Variants in NLK observed in about 807,000 individuals in gnomAD.
The protein encoded by NLK is serine/threonine-protein kinase NLK.
A neutral mutation model predicts 59.0 loss-of-function variants in NLK; 11 were observed. The observed-to-expected ratio is 0.19, with a 90% CI of 0.12 to 0.31. The LOEUF (loss-of-function observed/expected upper bound fraction) is 0.31. Ranked by LOEUF, NLK falls within the 10% of genes least tolerant of loss-of-function variation. The probability of loss-of-function intolerance (pLI) is 1.00; values close to 1 mark genes in which losing one functional copy is unlikely to be tolerated. For missense variants in NLK, 410 were observed against 661.1 expected, an observed-to-expected ratio of 0.62 and a Z score of 4.16; for synonymous variants, 235 against 235.9, an observed-to-expected ratio of 1.00 and a Z score of 0.03.
the NLK span, among the ~76,000 whole-genome samples, chr17:28,204,865 T>C: frequency 6.6e-6 from 1 of 152,232 alleles, no homozygotes; most frequent in African/African-American, 2.4e-5. Context: ...TTCATATGAC[T>C]TCCTGGTATT....
At chr17:28,166,052 T>TA (rs1162761667) in intron 5 of NLK, among the ~76,000 whole-genome samples, 1 of 152,080 alleles carries the variant, frequency 6.6e-6, no homozygotes, top group Non-Finnish European at 1.5e-5. Context: ...CTGTCTCTAC[T>TA]AAAAATACAA....
At chr17:28,192,274 C>T in intron 10 of NLK, 61 bp downstream of exon 10, 1 of 839,878 alleles carries the variant, frequency 1.2e-6, no homozygotes, top group Non-Finnish European at 2.0e-6. Context: ...AGTGTTACTT[C>T]ATTATTCAGC....
intron 3 of NLK, among the ~76,000 whole-genome samples, chr17:28,144,459 A>AAT (rs1907155263): frequency 2.6e-5 from 4 of 152,128 alleles, no homozygotes; most frequent in African/African-American, 9.7e-5. Flanking sequence ...TTAAAAAATA[A>AAT]ATATATCTCT....
intron 1 of NLK, among the ~76,000 whole-genome samples, chr17:28,100,710 T>G (rs962481503): frequency 2.6e-5 from 4 of 152,218 alleles, no homozygotes; most frequent in Non-Finnish European, 5.9e-5. Context: ...TTTTATCTTA[T>G]GAAGTTCATT....
intron 1 of NLK, among the ~76,000 whole-genome samples, chr17:28,065,488 T>G (rs1028598601): frequency 6.6e-6 from 1 of 152,148 alleles, no homozygotes. Context: ...GAAGGACCCT[T>G]TTTGCTTTAT....
At chr17:28,070,291 A>AT (rs1442321502) in intron 1 of NLK, among the ~76,000 whole-genome samples, 19 of 146,928 alleles carry the variant, frequency 1.3e-4, no homozygotes, top group African/African-American at 4.0e-4. Context: ...ATTCTCTTTT[A>AT]TTTTTTCTGG....
At chr17:28,151,453 GT>G (rs941744875) in intron 3 of NLK, among the ~76,000 whole-genome samples, 2 of 152,084 alleles carry the variant, frequency 1.3e-5, no homozygotes, top group Non-Finnish European at 2.9e-5. Flanking sequence ...AGTGAAAAAT[GT>G]TTTTCCCCTA....
In NLK at chr17:28,071,396, T is replaced by C. The variant is rs548618228; in HGVS notation, c.458+28065T>C. Among the ~76,000 whole-genome samples, 10 of 152,226 alleles carry C rather than the reference T, an allele frequency of 6.6e-5. No individual in the cohort carries two copies. The South Asian group carries it at 2.1e-3, about 32-fold the overall frequency. Reference sequence around the variant, plus strand: ...AAATAGAAGAGAATTTTTAAGAAAGTTGAGTGTTCCATTCCATGAACATGG... The same window carrying C: ...AAATAGAAGAGAATTTTTAAGAAAGCTGAGTGTTCCATTCCATGAACATGG... On this transcript the variant is annotated intron_variant, in intron 1 of 10. Coordinates refer to ENST00000407008, the MANE Select transcript of NLK (RefSeq NM_016231.5).
intron 1 of NLK, among the ~76,000 whole-genome samples, chr17:28,091,819 C>T (rs934172582): frequency 6.6e-6 from 1 of 152,192 alleles, no homozygotes; most frequent in Admixed American, 6.5e-5. Flanking sequence ...CCAACTGAAA[C>T]AGATAATACT....
chr17:28,158,364 C>T (rs1567731450), intron 3 of NLK, among the ~76,000 whole-genome samples: 1 of 152,142 alleles, frequency 6.6e-6, no homozygotes, highest in Non-Finnish European at 1.5e-5. Context: ...ACGAATGGAG[C>T]TTGCAAGACT....
chr17:28,205,944 C>T, the NLK span, among the ~76,000 whole-genome samples: 3 of 152,112 alleles, frequency 2.0e-5, no homozygotes, highest in East Asian at 1.9e-4. Context: ...GATACACACA[C>T]GCACAGAACT....
intron 2 of NLK, among the ~76,000 whole-genome samples, chr17:28,126,218 G>A (rs1906283904): frequency 6.6e-6 from 1 of 152,158 alleles, no homozygotes; most frequent in Non-Finnish European, 1.5e-5. Flanking sequence ...GCAAAGAGCT[G>A]GACAACCAAA....
the NLK span, among the ~76,000 whole-genome samples, chr17:28,204,475 T>C: frequency 1.4e-4 from 21 of 152,200 alleles, no homozygotes; most frequent in Non-Finnish European, 1.0e-4. Context: ...GACATGTGCA[T>C]GTGTGTGTAT....
intron 3 of NLK, among the ~76,000 whole-genome samples, chr17:28,138,170 TC>T (rs1485998007): frequency 1.3e-5 from 2 of 152,190 alleles, no homozygotes; most frequent in Non-Finnish European, 2.9e-5. Context: ...ACAGGCCCCT[TC>T]CCAGAAAGCA....
At chr17:28,145,571 G>A (rs759714527) in intron 3 of NLK, among the ~76,000 whole-genome samples, 9 of 152,064 alleles carry the variant, frequency 5.9e-5, no homozygotes, top group African/African-American at 1.4e-4. Flanking sequence ...TGACTGTCAC[G>A]GACATGTTTC....
intron 2 of NLK, among the ~76,000 whole-genome samples, chr17:28,126,278 A>G (rs1383531054): frequency 6.6e-6 from 1 of 152,224 alleles, no homozygotes; most frequent in Non-Finnish European, 1.5e-5. Flanking sequence ...CTTAAAACAC[A>G]GATTCATGGG....
chr17:28,180,429 A>G (rs1269389408), intron 7 of NLK, among the ~76,000 whole-genome samples: 1 of 152,164 alleles, frequency 6.6e-6, no homozygotes, highest in African/African-American at 2.4e-5. Flanking sequence ...CATTACTTCA[A>G]TAACTAACCC....
At chr17:28,110,089 A>G (rs1381211904) in intron 1 of NLK, among the ~76,000 whole-genome samples, 1 of 152,178 alleles carries the variant, frequency 6.6e-6, no homozygotes, top group Non-Finnish European at 1.5e-5. Context: ...TTATCTCAGC[A>G]ATGTTTTGTA....
intron 1 of NLK, among the ~76,000 whole-genome samples, chr17:28,111,937 GTGTGTGTGTA>G (rs1376639316): frequency 4.6e-4 from 69 of 148,774 alleles, no homozygotes; most frequent in African/African-American, 1.6e-3. Context: ...GTGTGTGTGT[GTGTGTGTGTA>G]TGTGTAGGGA....
Sources: gnomAD v4.1 joint callset for allele counts (sites outside exome capture counted in the v4.1 genomes callset) on GRCh38, gnomAD v4.1.1 for gene constraint, MANE v1.5 for transcripts, NCBI Gene and HGNC (gene_info 2026-07-23, HGNC 2026-07-21) for gene names.